The following NAV2 variants were observed in gnomAD, a reference collection of about 807,000 sequenced individuals.
The protein encoded by NAV2 is neuron navigator 2.
In NAV2, 54 loss-of-function variants were observed where a neutral mutation model predicts 223.2. That is an observed-to-expected ratio of 0.24 (90% CI 0.19 to 0.30). The LOEUF is 0.30. Ranked by LOEUF, NAV2 falls within the 10% of genes least tolerant of loss-of-function variation. The probability of loss-of-function intolerance (pLI) is 1.00; values close to 1 mark genes in which losing one functional copy is unlikely to be tolerated. For synonymous variants in NAV2, 1,279 were observed against 1,239.3 expected (o/e 1.03, Z -0.67); for missense variants, 2,806 against 3,147.5 (o/e 0.89, Z 2.60).
chr11:19,633,406 G>A (rs150278682), intron 1 of NAV2, among the ~76,000 whole-genome samples: 159 of 152,374 alleles, frequency 1.0e-3, no homozygotes, highest in African/African-American at 3.7e-3. Context: ...TACTCAGCCC[G>A]CCAAGAGGCC....
chr11:19,728,336 C>G (rs1186878887), intron 1 of NAV2, among the ~76,000 whole-genome samples: 1 of 152,174 alleles, frequency 6.6e-6, no homozygotes, highest in Non-Finnish European at 1.5e-5. Context: ...GTAGAATTGT[C>G]CAAATAATCC....
At chr11:19,898,507 G>A (rs975524955) in intron 6 of NAV2, among the ~76,000 whole-genome samples, 4 of 152,136 alleles carry the variant, frequency 2.6e-5, no homozygotes, top group East Asian at 1.9e-4. Context: ...AGCCTTTCTC[G>A]TTTGTGCACA....
chr11:19,937,926 C>A (rs1273062061), intron 7 of NAV2, among the ~76,000 whole-genome samples: 6 of 152,138 alleles, frequency 3.9e-5, no homozygotes, highest in Non-Finnish European at 8.8e-5. Context: ...TGTAGGAACT[C>A]CTGGCAAGGA....
intron 1 of NAV2, among the ~76,000 whole-genome samples, chr11:19,794,623 G>A (rs972992446): frequency 6.6e-6 from 1 of 152,170 alleles, no homozygotes; most frequent in African/African-American, 2.4e-5. Context: ...GCTTCATCCT[G>A]TCCTGTTAGC....
chr11:20,103,876 A>C (rs935862040), intron 34 of NAV2, 152 bp downstream of exon 34: 6 of 724,390 alleles, frequency 8.3e-6, no homozygotes, highest in Admixed American at 2.4e-5. Context: ...TTTTAACTTC[A>C]GCCTCAAGTA....
intron 1 of NAV2, among the ~76,000 whole-genome samples, chr11:19,798,545 G>A (rs1026881185): frequency 1.3e-5 from 2 of 152,184 alleles, no homozygotes; most frequent in African/African-American, 2.4e-5. Context: ...TGTTGGAAGG[G>A]AGGCTGGCCA....
intron 1 of NAV2, among the ~76,000 whole-genome samples, chr11:19,586,590 T>C (rs2045903347): frequency 6.6e-6 from 1 of 152,252 alleles, no homozygotes; most frequent in African/African-American, 2.4e-5. Flanking sequence ...TTAGTTTTCC[T>C]TCTAACAGTC....
At chr11:19,849,012 G>A (rs745541479) in intron 3 of NAV2, among the ~76,000 whole-genome samples, 1 of 152,040 alleles carries the variant, frequency 6.6e-6, no homozygotes, top group Non-Finnish European at 1.5e-5. Context: ...CACCTCGCAG[G>A]GTTACCATGA....
chr11:19,701,265 G>A (rs1242026705), intron 1 of NAV2, among the ~76,000 whole-genome samples: 1 of 152,164 alleles, frequency 6.6e-6, no homozygotes, highest in East Asian at 1.9e-4. Context: ...AAATGGGGTC[G>A]TGGAGATCAA....
chr11:20,083,297 T>A, intron 26 of NAV2, 118 bp downstream of exon 26: 1 of 782,602 alleles, frequency 1.3e-6, no homozygotes, highest in Non-Finnish European at 2.0e-6. Flanking sequence ...TGCTTTGCTT[T>A]AATAGGACTG....
rs140477158 is a variant in NAV2 at position 19,467,780 on chromosome 11, T to A, written c.75+116753T>A. Among the ~76,000 whole-genome samples, 847 of 152,342 alleles carry A rather than the reference T, an allele frequency of 5.6e-3. 11 individuals carry two copies. The highest frequency in any genetic ancestry group is 0.019 in the African/African-American group (809 of 41,568). On this transcript the variant is annotated intron_variant, in intron 1 of 37. Transcript: ENST00000360655. Reference sequence around the variant, plus strand: ...GGGTGAGAGATGAACTCCCTGTCCTTAGTTCTGACAAGAGCTGCAGAAGAT... The same window carrying A: ...GGGTGAGAGATGAACTCCCTGTCCTAAGTTCTGACAAGAGCTGCAGAAGAT...
chr11:19,454,553 A>G (rs1478653033), intron 1 of NAV2, among the ~76,000 whole-genome samples: 1 of 152,092 alleles, frequency 6.6e-6, no homozygotes, highest in East Asian at 1.9e-4. Flanking sequence ...TTTGTTTGCA[A>G]GTTTGTTCAT....
intron 16 of NAV2, among the ~76,000 whole-genome samples, chr11:20,050,186 T>C (rs535730716): frequency 6.6e-6 from 1 of 152,318 alleles, no homozygotes; most frequent in East Asian, 1.9e-4. Context: ...CTTGCATCTC[T>C]TGTGGCCTCC....
chr11:19,655,558 A>G (rs2048096517), intron 1 of NAV2, among the ~76,000 whole-genome samples: 1 of 152,120 alleles, frequency 6.6e-6, no homozygotes, highest in Admixed American at 6.5e-5. Context: ...AATACTATGC[A>G]GCCAAAAAAA....
At chr11:19,393,895 G>GT (rs5790072) in intron 1 of NAV2, among the ~76,000 whole-genome samples, 120,943 of 136,814 alleles carry the variant, frequency 0.88, 53,840 homozygotes, top group Non-Finnish European at 0.96. Flanking sequence ...TAACTTAAGG[G>GT]TTTTTTTTTT....
At chr11:19,654,111 A>G (rs1317191557) in intron 1 of NAV2, among the ~76,000 whole-genome samples, 2 of 152,216 alleles carry the variant, frequency 1.3e-5, no homozygotes, top group Non-Finnish European at 2.9e-5. Flanking sequence ...ACAAACAGAG[A>G]GCCAAATCAT....
intron 1 of NAV2, among the ~76,000 whole-genome samples, chr11:19,513,034 C>T (rs535791161): frequency 1.3e-4 from 20 of 152,170 alleles, no homozygotes; most frequent in South Asian, 2.1e-4. Flanking sequence ...CAGGCTGGGG[C>T]AGGGGCGGTG....
chr11:19,551,353 CTG>C (rs1400174646), intron 1 of NAV2, among the ~76,000 whole-genome samples: 1 of 152,238 alleles, frequency 6.6e-6, no homozygotes, highest in Non-Finnish European at 1.5e-5. Flanking sequence ...CCAGTCATCT[CTG>C]TGAGGAGGGG....
chr11:19,971,004 G>A (rs7928942), intron 10 of NAV2, among the ~76,000 whole-genome samples: 83,472 of 151,966 alleles, frequency 0.55, 23,515 homozygotes, highest in Non-Finnish European at 0.58. Context: ...GTGGGAGGTG[G>A]GGGAGATGAT....
Sources: allele counts gnomAD v4.1 joint callset (sites outside exome capture counted in the v4.1 genomes callset), GRCh38; gene constraint gnomAD v4.1.1; transcripts MANE v1.5; gene names NCBI Gene and HGNC (gene_info 2026-07-23, HGNC 2026-07-21).